Variants in ZPLD1 observed in about 807,000 individuals in gnomAD.
ZPLD1 encodes zona pellucida-like domain-containing protein 1.
Under a neutral mutation model 47.2 loss-of-function variants are expected in ZPLD1, and 34 were observed. The observed-to-expected ratio is 0.72, with a 90% CI of 0.55 to 0.96. The LOEUF is 0.96. Ranked by LOEUF, ZPLD1 falls within the 40% of genes least tolerant of loss-of-function variation. The probability of loss-of-function intolerance (pLI) is 0.00; values close to 1 mark genes in which losing one functional copy is unlikely to be tolerated. For synonymous variants in ZPLD1, 176 were observed against 186.2 expected (o/e 0.95, Z 0.45); for missense variants, 512 against 505.8 (o/e 1.01, Z -0.12).
At chr3:102,388,806 TG>T (rs1007179301) in intron 6 of ZPLD1, among the ~76,000 whole-genome samples, 1 of 152,122 alleles carries the variant, frequency 6.6e-6, no homozygotes, top group African/African-American at 2.4e-5. Context: ...AAAATATTTC[TG>T]GGGGGGTGAG....
intron 10 of ZPLD1, among the ~76,000 whole-genome samples, chr3:102,474,799 T>C (rs1239419133): frequency 6.6e-6 from 1 of 152,164 alleles, no homozygotes; most frequent in Non-Finnish European, 1.5e-5. Flanking sequence ...ATAAATATAC[T>C]CTTGGAGAGC....
chr3:102,405,067 T>C (rs1240779437), intron 7 of ZPLD1, among the ~76,000 whole-genome samples: 1 of 151,996 alleles, frequency 6.6e-6, no homozygotes, highest in Non-Finnish European at 1.5e-5. Context: ...AAAATTATGA[T>C]TAATAGATGA....
chr3:102,460,846 G>C (rs1262899085), intron 6 of ZPLD1, among the ~76,000 whole-genome samples: 1 of 151,838 alleles, frequency 6.6e-6, no homozygotes, highest in Admixed American at 6.6e-5. Flanking sequence ...CAATAATGAT[G>C]CAAATATAAG....
At chr3:102,395,657 T>A (rs1174036770) in intron 7 of ZPLD1, among the ~76,000 whole-genome samples, 1 of 152,186 alleles carries the variant, frequency 6.6e-6, no homozygotes, top group Non-Finnish European at 1.5e-5. Context: ...AGCTACGATA[T>A]TTGGAGTAAT....
In ZPLD1 at chr3:102,479,275, T is replaced by C. The variant is rs572233092; in HGVS notation, c.*1657T>C. ...ACTTTGAAGTGACTATTCTGAGCTT[T>C]ATCTGTGTTAACATGATTAACTGAC... On this transcript the variant is annotated 3_prime_UTR_variant, in exon 12 of 12. Transcript: ENST00000466937. 28 of 152,342 alleles carry C rather than the reference T, an allele frequency of 1.8e-4. No individual in the cohort carries two copies. Among genetic ancestry groups the C allele is most frequent in the Admixed American group, 4.6e-4 (7 of 15,308 alleles). 9.4% of individuals were successfully genotyped at this position (152,342 alleles called of 1,614,324 possible). A position where few individuals can be genotyped will look rare whatever the true frequency, so the allele number is the denominator to read the frequency against.
At chr3:102,477,237 G>T (rs1399458741) in intron 11 of ZPLD1, among the ~76,000 whole-genome samples, 196 bp downstream of exon 11, 1 of 151,920 alleles carries the variant, frequency 6.6e-6, no homozygotes, top group African/African-American at 2.4e-5. Flanking sequence ...TGGTATTTTT[G>T]ATTTTGGCTG....
At position 102,462,370 on chromosome 3, in the gene ZPLD1, G is replaced by C. The variant is rs751563277; in HGVS notation, c.672G>C (p.Leu224Phe). 6.2e-7 allele frequency: 1 copy of C among 1,605,700 alleles called. No homozygotes were observed. Among genetic ancestry groups the C allele is most frequent in the African/African-American group, 1.3e-5 (1 of 74,472 alleles). Residue 224 changes from leucine to phenylalanine, a missense_variant, in exon 7 of 12, where the codon TTG becomes TTC. By Grantham distance (22) the Leu-to-Phe change is conservative (BLOSUM62 0). Transcript: ENST00000466937. The part of the protein sequence containing the change: ...KVFAAVQATN[L>F]DGRWNVLMDY... Reference sequence around the variant, plus strand: ...TTGCAGCTGTCCAAGCCACTAATTTGGATGGCAGGTAATTTCAAACTCTTG... The same window carrying C: ...TTGCAGCTGTCCAAGCCACTAATTTCGATGGCAGGTAATTTCAAACTCTTG...
chr3:102,396,879 G>A (rs1387796588), intron 7 of ZPLD1, among the ~76,000 whole-genome samples: 2 of 152,088 alleles, frequency 1.3e-5, no homozygotes, highest in African/African-American at 4.8e-5. Context: ...GTACTCAAAA[G>A]TTAAATGATT....
chr3:102,447,792 AT>A (rs1707280744), intron 3 of ZPLD1, among the ~76,000 whole-genome samples: 1 of 152,218 alleles, frequency 6.6e-6, no homozygotes, highest in South Asian at 2.1e-4. Flanking sequence ...AAATAATACA[AT>A]GCAAATATAT....
At chr3:102,456,807 T>A (rs149649868) in intron 5 of ZPLD1, among the ~76,000 whole-genome samples, 6 of 152,328 alleles carry the variant, frequency 3.9e-5, no homozygotes, top group Non-Finnish European at 8.8e-5. Context: ...CTTGGCCATA[T>A]GCTTTCACTG....
chr3:102,476,966 T>A, intron 10 of ZPLD1, 46 bp from the exon 11 acceptor site: 2 of 1,598,736 alleles, frequency 1.3e-6, no homozygotes, highest in East Asian at 4.5e-5. Context: ...AAGGTAAATA[T>A]TTGGAGAGAT....
intron 4 of ZPLD1, among the ~76,000 whole-genome samples, chr3:102,454,755 C>G (rs989154624): frequency 6.6e-6 from 1 of 152,132 alleles, no homozygotes; most frequent in African/African-American, 2.4e-5. Flanking sequence ...ACTTGGGAGG[C>G]TGAGGCAGGA....
intron 6 of ZPLD1, among the ~76,000 whole-genome samples, chr3:102,391,741 G>A (rs1009191170): frequency 1.3e-5 from 2 of 152,052 alleles, no homozygotes; most frequent in African/African-American, 4.8e-5. Flanking sequence ...ACAAATTGCA[G>A]ATTTGCGAGC....
In ZPLD1 at chr3:102,469,095, C is replaced by T; in HGVS notation, c.893C>T (p.Thr298Ile). The change falls in exon 9 of 12, where the codon ACC becomes ATC. Residue 298 changes from threonine to isoleucine, a missense_variant. Coordinates refer to ENST00000466937, the MANE Select transcript of ZPLD1 (RefSeq NM_001329788.2). The stretch of plus-strand genomic sequence containing the variant: ...TCCACTGTCTTCTTGCACTGCGTTA[C>T]CAAGCTCTGCAGAGCAGATGACTGC... ...KMSTVFLHCVTKLCRADDCPF... is the reference protein window; with the variant it reads ...KMSTVFLHCVIKLCRADDCPF... The T allele has an allele frequency of 2.5e-6, 4 of 1,614,006 alleles. No homozygotes were observed. Among genetic ancestry groups the T allele is most frequent in the Non-Finnish European group, 3.4e-6 (4 of 1,179,924 alleles).
chr3:102,400,927 G>C (rs2107291545), intron 7 of ZPLD1, among the ~76,000 whole-genome samples: 1 of 152,190 alleles, frequency 6.6e-6, no homozygotes. Flanking sequence ...ACCAGGAGCT[G>C]ACCACAGGTG....
intron 10 of ZPLD1, among the ~76,000 whole-genome samples, chr3:102,472,681 TA>T (rs898076740): frequency 7.9e-5 from 12 of 152,178 alleles, no homozygotes; most frequent in African/African-American, 2.9e-4. Flanking sequence ...GTAGGCACAA[TA>T]AAAGAGATTT....
At chr3:102,388,584 G>A (rs1454629691) in intron 6 of ZPLD1, among the ~76,000 whole-genome samples, 3 of 151,602 alleles carry the variant, frequency 2.0e-5, no homozygotes, top group African/African-American at 4.9e-5. Flanking sequence ...AGTTTCCTCC[G>A]GAATGACATT....
chr3:102,391,995 TAACC>T (rs927897803), intron 6 of ZPLD1, among the ~76,000 whole-genome samples: 2 of 152,092 alleles, frequency 1.3e-5, no homozygotes, highest in Non-Finnish European at 2.9e-5. Context: ...CCTAATCAAC[TAACC>T]AACCAACCAA....
At chr3:102,436,473 A>C (rs945814080) in intron 1 of ZPLD1, among the ~76,000 whole-genome samples, 1 of 152,234 alleles carries the variant, frequency 6.6e-6, no homozygotes, top group Admixed American at 6.5e-5. Flanking sequence ...GTAAAAAGCT[A>C]AAGAAAACAG....
Sources: allele counts gnomAD v4.1 joint callset (sites outside exome capture counted in the v4.1 genomes callset), GRCh38; gene constraint gnomAD v4.1.1; transcripts MANE v1.5; gene names NCBI Gene and HGNC (gene_info 2026-07-23, HGNC 2026-07-21).